The following CYFIP1 variants were observed in gnomAD, a reference collection of about 807,000 sequenced individuals.
CYFIP1 encodes the protein cytoplasmic FMR1-interacting protein 1.
Under a neutral mutation model 163.5 loss-of-function variants are expected in CYFIP1, and 58 were observed. The observed-to-expected ratio is 0.35, with a 90% confidence interval of 0.29 to 0.44. The LOEUF (loss-of-function observed/expected upper bound fraction) is 0.44. Ranked by LOEUF, CYFIP1 falls within the 20% of genes least tolerant of loss-of-function variation. CYFIP1 has a pLI of 1.00. For missense variants in CYFIP1, 1,338 were observed against 1,653.8 expected, an observed-to-expected ratio of 0.81 and a Z score of 3.31; for synonymous variants, 663 against 660.7, an observed-to-expected ratio of 1.00 and a Z score of -0.05.
Position 22,868,928 on chromosome 15 carries a change from T to C in CYFIP1, c.*1100A>G, listed in dbSNP as rs1026782431. 1.9e-5 allele frequency: 1 copy of C among 53,692 alleles called. No individual in the cohort carries two copies. The highest frequency in any genetic ancestry group is 3.4e-5 in the Non-Finnish European group (1 of 29,034). 3.3% of individuals were successfully genotyped at this position (53,692 alleles called of 1,614,324 possible). ...ACAATAAACAGGCATAGCATCTTTT[T>C]CCATTCAGTTAGTTAGGATTTTCAG... On this transcript the variant is annotated 3_prime_UTR_variant, in exon 31 of 31. Transcript: ENST00000617928.
chr15:22,910,403 C>T, intron 20 of CYFIP1, 117 bp downstream of exon 20: 4 of 754,588 alleles, frequency 5.3e-6, no homozygotes, highest in Admixed American at 2.3e-5. Flanking sequence ...CTCAGGTGAT[C>T]CGCCCACCTT....
At chr15:22,939,101 T>G (rs142564471) in intron 8 of CYFIP1, 91 bp downstream of exon 8, 11 of 1,511,982 alleles carry the variant, frequency 7.3e-6, no homozygotes, top group Non-Finnish European at 1.0e-5. Context: ...AAGACACAGC[T>G]GTCAAAAGGA....
chr15:22,957,418 C>T (rs537163427), intron 1 of CYFIP1, among the ~76,000 whole-genome samples: 57 of 152,246 alleles, frequency 3.7e-4, no homozygotes, highest in East Asian at 3.1e-3. Context: ...AGGTGGATCA[C>T]GAGGTCAGGA....
chr15:22,885,476 TA>T (rs2059903830), intron 23 of CYFIP1, among the ~76,000 whole-genome samples: 1 of 152,178 alleles, frequency 6.6e-6, no homozygotes, highest in Non-Finnish European at 1.5e-5. Flanking sequence ...CTCACGCCTG[TA>T]ATCCTAGCAC....
intron 3 of CYFIP1, among the ~76,000 whole-genome samples, chr15:22,946,311 AAAAG>A (rs1477519192): frequency 2.0e-5 from 3 of 151,902 alleles, no homozygotes; most frequent in Admixed American, 1.3e-4. Context: ...TCAAAAAAAA[AAAAG>A]AAAGAAAGAA....
At chr15:22,918,425 C>T (rs1202344577) in intron 14 of CYFIP1, among the ~76,000 whole-genome samples, 1 of 152,142 alleles carries the variant, frequency 6.6e-6, no homozygotes, top group Non-Finnish European at 1.5e-5. Context: ...ATGCATGAAC[C>T]ACAGGCACCG....
rs1021695253 is a variant in CYFIP1 at position 22,867,980 on chromosome 15, G to GTATT, written c.*2044_*2047dup. 1 of 152,234 alleles carries GTATT rather than the reference G, an allele frequency of 6.6e-6. No individual in the cohort carries two copies. The highest frequency in any genetic ancestry group is 2.4e-5 in the African/African-American group (1 of 41,458). 9.4% of individuals were successfully genotyped at this position (152,234 alleles called of 1,614,324 possible). ...ACCATTGACTGGCCTTTAAAAAAAA[G>GTATT]TATTGGCAGAATTAATTTCCACCTA... On this transcript the variant is annotated 3_prime_UTR_variant, in exon 31 of 31. Coordinates refer to ENST00000617928, the MANE Select transcript of CYFIP1 (RefSeq NM_014608.6).
Position 22,955,711 on chromosome 15 carries a change from C to T in CYFIP1, c.-6-8420G>A, listed in dbSNP as rs540813672. ...CTTTAACCCATCTAGATGTGGCCAGCCCTCGCCACACTCCCCCTGCAAGCT... is the reference window on the plus strand; with the variant it reads ...CTTTAACCCATCTAGATGTGGCCAGTCCTCGCCACACTCCCCCTGCAAGCT... On this transcript the variant is annotated intron_variant, in intron 1 of 30. Coordinates refer to ENST00000617928, the MANE Select transcript of CYFIP1 (RefSeq NM_014608.6). Among the ~76,000 whole-genome samples the T allele has an allele frequency of 3.3e-5, 5 of 152,262 alleles. No homozygotes were observed. The East Asian group carries it at 9.7e-4, about 29-fold the overall frequency.
intron 6 of CYFIP1, among the ~76,000 whole-genome samples, chr15:22,941,551 G>A (rs1284345552): frequency 6.6e-6 from 1 of 151,960 alleles, no homozygotes; most frequent in African/African-American, 2.4e-5. Flanking sequence ...GCGTGTGTGT[G>A]TGGTGGGGGT....
At chr15:22,894,560 G>A (rs146708720) in intron 22 of CYFIP1, among the ~76,000 whole-genome samples, 11,406 of 151,418 alleles carry the variant, frequency 0.075, 510 homozygotes, top group East Asian at 0.17. Context: ...GAAGTGCTGG[G>A]ATTACAGGCA....
chr15:22,941,011 C>T (rs558339272), intron 6 of CYFIP1, among the ~76,000 whole-genome samples: 1 of 152,324 alleles, frequency 6.6e-6, no homozygotes, highest in East Asian at 1.9e-4. Context: ...CACCGCACTC[C>T]AGCCTGGGCC....
chr15:22,964,353 T>TCACACACA (rs71117466), intron 1 of CYFIP1, among the ~76,000 whole-genome samples: 1,531 of 78,602 alleles, frequency 0.019, 24 homozygotes, highest in Admixed American at 0.021. Context: ...ACCTCATCAC[T>TCACACACA]CACACACACA....
intron 6 of CYFIP1, among the ~76,000 whole-genome samples, chr15:22,942,711 C>T (rs1004999435): frequency 2.0e-5 from 3 of 152,172 alleles, no homozygotes; most frequent in African/African-American, 7.2e-5. Context: ...GCACGGGCCA[C>T]GTCTGCACAT....
At chr15:22,972,535 A>G (rs1019673249) in intron 1 of CYFIP1, among the ~76,000 whole-genome samples, 2 of 152,210 alleles carry the variant, frequency 1.3e-5, no homozygotes, top group African/African-American at 4.8e-5. Context: ...AACAGAATAG[A>G]GCCTGGAAAT....
At chr15:22,875,938 C>A (rs1383321488) in intron 26 of CYFIP1, among the ~76,000 whole-genome samples, 1 of 133,006 alleles carries the variant, frequency 7.5e-6, no homozygotes, top group Non-Finnish European at 1.6e-5. Context: ...CAGCAGAACA[C>A]CCCAAATCCA....
Position 22,944,542 on chromosome 15 carries a change from T to G in CYFIP1, c.387+16A>C, listed in dbSNP as rs1321354227. 3.8e-6 allele frequency: 6 copies of G among 1,568,318 alleles called. No individual in the cohort carries two copies. The highest frequency in any genetic ancestry group is 4.4e-6 in the Non-Finnish European group (5 of 1,140,052). ...CCCTCGGTGTTACACCCCCCCCAGA[T>G]TATTTGCCATTTTACCTGGAAGTAC... On this transcript the variant is annotated intron_variant, in intron 5 of 30. Transcript: ENST00000617928.
intron 6 of CYFIP1, 27 bp downstream of exon 6, chr15:22,943,146 C>T (rs1296322394): frequency 2.5e-5 from 41 of 1,609,490 alleles, no homozygotes; most frequent in Non-Finnish European, 3.3e-5. Context: ...CTCGGGAGGG[C>T]CCGCAGTGCG....
At chr15:22,897,629 G>A (rs996539592) in intron 22 of CYFIP1, among the ~76,000 whole-genome samples, 3 of 152,122 alleles carry the variant, frequency 2.0e-5, no homozygotes, top group Middle Eastern at 6.8e-3. Context: ...GACTACAGTC[G>A]CCTGCCACCA....
chr15:22,961,184 G>A (rs1481252083), intron 1 of CYFIP1, among the ~76,000 whole-genome samples: 1 of 151,490 alleles, frequency 6.6e-6, no homozygotes, highest in African/African-American at 2.4e-5. Flanking sequence ...ACCATGCCGG[G>A]CTAATGTTTG....
Sources: allele counts gnomAD v4.1 joint callset (sites outside exome capture counted in the v4.1 genomes callset), GRCh38; gene constraint gnomAD v4.1.1; transcripts MANE v1.5; gene names NCBI Gene and HGNC (gene_info 2026-07-23, HGNC 2026-07-21).